The following MAST2 variants were observed in gnomAD, a reference collection of about 807,000 sequenced individuals.
MAST2 encodes microtubule associated serine/threonine kinase 2, also known as microtubule-associated serine/threonine-protein kinase 2.
A neutral mutation model predicts 147.4 loss-of-function variants in MAST2; 70 were observed. That is an observed-to-expected ratio of 0.47 (90% CI 0.39 to 0.58). MAST2 has a LOEUF of 0.58. Ranked by LOEUF, MAST2 falls within the 20% of genes least tolerant of loss-of-function variation. MAST2 has a pLI of 0.00. For missense variants in MAST2, 2,080 were observed against 2,302.3 expected, an observed-to-expected ratio of 0.90 and a Z score of 1.98; for synonymous variants, 869 against 896.8, an observed-to-expected ratio of 0.97 and a Z score of 0.55.
rs142782510 is a variant in MAST2, at chr1:46,024,227, A to G, written c.1780+247A>G. The stretch of plus-strand genomic sequence containing the variant: ...CAGGCCAGCAGCTATAGAATCTTGC[A>G]CCCCAAAGCCTGCACGCTCTCTACT... On this transcript the variant is annotated intron_variant, in intron 15 of 28. Transcript: ENST00000361297. 380 of 491,318 alleles carry G rather than the reference A, an allele frequency of 7.7e-4. 2 individuals are homozygous for G. The highest frequency in any genetic ancestry group is 6.8e-3 in the African/African-American group (349 of 51,494). The allele number at this position is 491,318 out of a possible 1,614,324, so 30.4% of individuals were successfully genotyped here. A position where few individuals can be genotyped will look rare whatever the true frequency, so the allele number is the denominator to read the frequency against.
intron 4 of MAST2, among the ~76,000 whole-genome samples, chr1:45,904,002 A>G (rs932021498): frequency 3.3e-5 from 5 of 152,096 alleles, no homozygotes; most frequent in East Asian, 1.9e-4. Context: ...TTGCTTGCTT[A>G]TTTGCTTATT....
At chr1:45,968,711 GTTT>G (rs1557980668) in intron 5 of MAST2, among the ~76,000 whole-genome samples, 1 of 151,788 alleles carries the variant, frequency 6.6e-6, no homozygotes, top group Non-Finnish European at 1.5e-5. Context: ...TATTTTCTGA[GTTT>G]CCTGAATTTA....
intron 3 of MAST2, chr1:45,847,273 T>C (rs1427259323): frequency 2.0e-6 from 1 of 510,260 alleles, no homozygotes; most frequent in Non-Finnish European, 4.0e-6. Flanking sequence ...TTGATGATGG[T>C]GTCCTGGGAA....
intron 3 of MAST2, among the ~76,000 whole-genome samples, chr1:45,859,874 C>G (rs1195860601): frequency 6.6e-6 from 1 of 152,042 alleles, no homozygotes; most frequent in Non-Finnish European, 1.5e-5. Context: ...TTCATCTGTT[C>G]TTGGACAAGA....
rs370904300 is a variant in MAST2 at position 45,975,324 on chromosome 1, G to A, written c.592+15847G>A. 5.9e-5 allele frequency among the ~76,000 whole-genome samples: 9 copies of A among 152,122 alleles called. No homozygotes were observed. The South Asian group carries it at 8.3e-4, about 14-fold the overall frequency. On this transcript the variant is annotated intron_variant, in intron 5 of 28. Coordinates refer to ENST00000361297, the MANE Select transcript of MAST2 (RefSeq NM_015112.3). The stretch of plus-strand genomic sequence containing the variant: ...AGGTAGAAAGCTCATTCTAAGATCC[G>A]TATGAAATAGAATTATATGATTAGG...
rs576278578 is a variant in MAST2 at position 46,027,791 on chromosome 1, C to T, written c.1980C>T (p.Gly660=). 6.2e-7 allele frequency: 1 copy of T among 1,614,068 alleles called. No individual in the cohort carries two copies. The change falls in exon 17 of 29, where the codon GGC becomes GGT. Residue 660 remains glycine (G), a synonymous_variant. Coordinates refer to ENST00000361297, the MANE Select transcript of MAST2 (RefSeq NM_015112.3). Reference sequence around the variant, plus strand: ...CGGACTTTGGACTGTCCAAAATTGGCCTCATGAGTCTGACAACGAACTTGT... The same window carrying T: ...CGGACTTTGGACTGTCCAAAATTGGTCTCATGAGTCTGACAACGAACTTGT... ...KLTDFGLSKI[G]LMSLTTNLYE...
At chr1:45,833,964 TTTATG>T (rs1225166532) in intron 3 of MAST2, among the ~76,000 whole-genome samples, 2 of 152,128 alleles carry the variant, frequency 1.3e-5, no homozygotes, top group African/African-American at 4.8e-5. Context: ...AGTTGAATAT[TTTATG>T]TTAGGTGGCA....
At chr1:45,903,032 G>A (rs1650038885) in intron 4 of MAST2, among the ~76,000 whole-genome samples, 1 of 145,246 alleles carries the variant, frequency 6.9e-6, no homozygotes, top group Non-Finnish European at 1.5e-5. Context: ...GGTTTGGCTT[G>A]TTTTTGCTTT....
At chr1:45,889,149 G>A (rs1323410133) in intron 4 of MAST2, among the ~76,000 whole-genome samples, 4 of 152,090 alleles carry the variant, frequency 2.6e-5, no homozygotes, top group Admixed American at 6.5e-5. Context: ...TTTAAAATGC[G>A]GATTTCATTA....
At chr1:45,835,996 C>T (rs1038957105) in intron 3 of MAST2, among the ~76,000 whole-genome samples, 8 of 152,062 alleles carry the variant, frequency 5.3e-5, no homozygotes, top group Non-Finnish European at 8.8e-5. Context: ...CACTTTTATC[C>T]GTTTGTCTGC....
At chr1:45,850,831 C>T (rs1331878988) in intron 3 of MAST2, among the ~76,000 whole-genome samples, 2 of 131,860 alleles carry the variant, frequency 1.5e-5, no homozygotes, top group Non-Finnish European at 3.1e-5. Context: ...TGTACCAGTA[C>T]TATGCTTTTT....
Position 45,997,743 on chromosome 1 carries a change from C to A in MAST2, c.612C>A (p.Ser204Arg). 2 of 1,614,024 alleles carry A rather than the reference C, an allele frequency of 1.2e-6. No individual in the cohort carries two copies. The highest frequency in any genetic ancestry group is 2.2e-5 in the South Asian group (2 of 91,064). The change falls in exon 6 of 29, where the codon AGC becomes AGA. Residue 204 changes from serine to arginine, a missense_variant. Ser to Arg is a moderately radical substitution (Grantham distance 110). This residue lies in a region of MAST2 where 569 missense variants were observed against 642.5 expected (regional missense o/e 0.89). Transcript: ENST00000361297. Reference sequence around the variant, plus strand: ...CCACAGGTAACAGTCCTTTGGACAGCCCCCGGAATTTCTCTCCAAATGCAC... The same window carrying A: ...CCACAGGTAACAGTCCTTTGGACAGACCCCGGAATTTCTCTCCAAATGCAC... ...HGHTGNSPLD[S>R]PRNFSPNAPA...
chr1:45,954,754 CT>C (rs1659412879), intron 4 of MAST2, among the ~76,000 whole-genome samples: 1 of 152,116 alleles, frequency 6.6e-6, no homozygotes, highest in Admixed American at 6.6e-5. Flanking sequence ...TTTTTTTCCC[CT>C]GGCAGCTGTT....
intron 2 of MAST2, 36 bp from the exon 3 acceptor site, chr1:45,829,403 A>G: frequency 6.3e-7 from 1 of 1,577,082 alleles, no homozygotes; most frequent in South Asian, 1.1e-5. Context: ...ATCAATAAAT[A>G]ATTACATGTA....
At chr1:45,808,586 A>G (rs778021973) in intron 1 of MAST2, among the ~76,000 whole-genome samples, 3 of 152,186 alleles carry the variant, frequency 2.0e-5, no homozygotes, top group Non-Finnish European at 4.4e-5. Context: ...TTCTGCCTTC[A>G]TGAAATCTTT....
intron 1 of MAST2, among the ~76,000 whole-genome samples, chr1:45,805,749 T>A (rs35106493): frequency 2.6e-5 from 4 of 152,232 alleles, no homozygotes; most frequent in African/African-American, 9.6e-5. Context: ...TCTCTACTTA[T>A]GTCCTTGATT....
At chr1:45,805,008 C>A (rs1178515325) in intron 1 of MAST2, among the ~76,000 whole-genome samples, 4 of 151,328 alleles carry the variant, frequency 2.6e-5, no homozygotes, top group Non-Finnish European at 4.4e-5. Context: ...TCTTATAGGT[C>A]TCTTACCTCT....
intron 3 of MAST2, among the ~76,000 whole-genome samples, chr1:45,835,758 A>G (rs1393590749): frequency 2.6e-5 from 4 of 152,028 alleles, no homozygotes; most frequent in Non-Finnish European, 5.9e-5. Flanking sequence ...AACAGTCATT[A>G]TTCATTCCAC....
At chr1:45,915,709 CAAAA>C (rs58479623) in intron 4 of MAST2, among the ~76,000 whole-genome samples, 1 of 130,806 alleles carries the variant, frequency 7.6e-6, no homozygotes. Flanking sequence ...GACTCTGTCT[CAAAA>C]AAAAAAAAAA....
Sources: allele counts gnomAD v4.1 joint callset (sites outside exome capture counted in the v4.1 genomes callset), GRCh38; gene constraint gnomAD v4.1.1; regional missense constraint gnomAD v4.1.1; transcripts MANE v1.5; gene names NCBI Gene and HGNC (gene_info 2026-07-23, HGNC 2026-07-21).